SLC38A11: variants seen among roughly 807,000 people sequenced by gnomAD.
SLC38A11 encodes the protein solute carrier family 38 member 11.
SLC38A11 carries 51 observed loss-of-function variants against 49.4 expected under a neutral mutation model. The observed-to-expected ratio is 1.03, with a 90% confidence interval of 0.83 to 1.30. SLC38A11 has a LOEUF of 1.30. Ranked by LOEUF, SLC38A11 falls within the 50% of genes most tolerant of loss-of-function variation. SLC38A11 has a pLI of 0.00. For synonymous variants in SLC38A11, 203 were observed against 192.9 expected (o/e 1.05, Z -0.43); for missense variants, 574 against 556.2 (o/e 1.03, Z -0.32).
At chr2:164,900,086 C>G (rs146447611) in intron 11 of SLC38A11, among the ~76,000 whole-genome samples, 1 of 152,074 alleles carries the variant, frequency 6.6e-6, no homozygotes, top group Admixed American at 6.6e-5. Flanking sequence ...TTTCACTTAA[C>G]GTTCTTCAGG....
intron 7 of SLC38A11, among the ~76,000 whole-genome samples, chr2:164,932,167 A>G (rs1163770695): frequency 6.6e-6 from 1 of 152,240 alleles, no homozygotes; most frequent in African/African-American, 2.4e-5. Context: ...AAAGCTCAGC[A>G]TCAATGATCA....
At chr2:164,954,167 T>A (rs905000682) in intron 2 of SLC38A11, among the ~76,000 whole-genome samples, 1 of 152,206 alleles carries the variant, frequency 6.6e-6, no homozygotes, top group Non-Finnish European at 1.5e-5. Flanking sequence ...TGTATGAATT[T>A]AATTTTTCAT....
intron 2 of SLC38A11, chr2:164,952,999 C>T (rs1688626145): frequency 1.3e-5 from 6 of 465,266 alleles, no homozygotes; most frequent in African/African-American, 8.3e-5. Flanking sequence ...GTTAAGAGAG[C>T]AAGTTTCTGA....
At chr2:164,930,226 C>T (rs1237123118) in intron 7 of SLC38A11, among the ~76,000 whole-genome samples, 2 of 152,038 alleles carry the variant, frequency 1.3e-5, no homozygotes, top group Non-Finnish European at 2.9e-5. Context: ...CCTGAAGAGA[C>T]CAATAATGAG....
chr2:164,946,564 CAAA>C (rs34775521), intron 3 of SLC38A11, among the ~76,000 whole-genome samples: 11 of 106,572 alleles, frequency 1.0e-4, no homozygotes, highest in Non-Finnish European at 9.3e-5. Context: ...GACTCCCTCT[CAAA>C]AAAAAAAAAA....
intron 5 of SLC38A11, among the ~76,000 whole-genome samples, chr2:164,943,752 A>C (rs1687932999): frequency 1.3e-5 from 2 of 152,186 alleles, no homozygotes; most frequent in African/African-American, 4.8e-5. Flanking sequence ...AGTAGCTGGG[A>C]CTACAGGCAC....
intron 7 of SLC38A11, among the ~76,000 whole-genome samples, chr2:164,917,926 A>T (rs561082236): frequency 1.3e-5 from 2 of 152,244 alleles, no homozygotes; most frequent in African/African-American, 4.8e-5. Context: ...AATGATGATG[A>T]TTTTATAAGA....
rs972262038 is a variant in SLC38A11, at chr2:164,945,355, A to G, written c.364+238T>C. On this transcript the variant is annotated intron_variant, in intron 4 of 11. Coordinates refer to ENST00000685975, the MANE Select transcript of SLC38A11 (RefSeq NM_001351537.2). The stretch of plus-strand genomic sequence containing the variant: ...CATTCAATTTTTTACCAAGTACAGA[A>G]AGCCCAAACATTAACCTAGTGAAAA... Among the ~76,000 whole-genome samples the G allele has an allele frequency of 3.3e-5, 5 of 152,124 alleles. No individual in the cohort carries two copies. The South Asian group carries it at 8.3e-4, about 25-fold the overall frequency.
intron 7 of SLC38A11, among the ~76,000 whole-genome samples, chr2:164,926,161 T>C (rs1686567600): frequency 6.6e-6 from 1 of 152,190 alleles, no homozygotes; most frequent in Admixed American, 6.5e-5. Context: ...CCATCTGTCC[T>C]TGCCTCCACT....
intron 3 of SLC38A11, among the ~76,000 whole-genome samples, chr2:164,951,257 A>G (rs887724343): frequency 5.9e-5 from 9 of 152,082 alleles, no homozygotes; most frequent in African/African-American, 2.2e-4. Context: ...AATGTTTACA[A>G]TGCACTTAAA....
At chr2:164,935,265 C>G (rs1450785591) in intron 7 of SLC38A11, among the ~76,000 whole-genome samples, 1 of 151,182 alleles carries the variant, frequency 6.6e-6, no homozygotes, top group Non-Finnish European at 1.5e-5. Flanking sequence ...CCTCTCTCTG[C>G]TTTTTCTCTC....
At chr2:164,920,914 ATGTT>A (rs1423431357) in intron 7 of SLC38A11, among the ~76,000 whole-genome samples, 1 of 152,178 alleles carries the variant, frequency 6.6e-6, no homozygotes, top group Non-Finnish European at 1.5e-5. Context: ...TATAGATTAT[ATGTT>A]TGAGCATCTG....
At chr2:164,921,665 G>A (rs1443732753) in intron 7 of SLC38A11, among the ~76,000 whole-genome samples, 1 of 151,986 alleles carries the variant, frequency 6.6e-6, no homozygotes, top group African/African-American at 2.4e-5. Context: ...TAAACACGTT[G>A]AATAAATGCA....
intron 3 of SLC38A11, among the ~76,000 whole-genome samples, chr2:164,951,703 A>G (rs941875888): frequency 6.6e-6 from 1 of 152,116 alleles, no homozygotes; most frequent in Non-Finnish European, 1.5e-5. Context: ...CAGAGCTGAG[A>G]CAGACATTCT....
intron 7 of SLC38A11, among the ~76,000 whole-genome samples, chr2:164,921,362 A>G (rs11677770): frequency 0.26 from 39,574 of 152,104 alleles, 6,011 homozygotes; most frequent in South Asian, 0.46. Flanking sequence ...ACAGGGTCTC[A>G]CTGTAACCCC....
chr2:164,926,287 T>G (rs1686576814), intron 7 of SLC38A11, among the ~76,000 whole-genome samples: 1 of 152,198 alleles, frequency 6.6e-6, no homozygotes, highest in Non-Finnish European at 1.5e-5. Flanking sequence ...CATGTAAAGC[T>G]TTCCTTCATC....
Position 164,934,181 on chromosome 2 carries a change from G to A in SLC38A11, c.617+3169C>T, listed in dbSNP as rs568152900. Among the ~76,000 whole-genome samples the A allele has an allele frequency of 5.9e-5, 9 of 152,002 alleles. 1 individual carries two copies. Among genetic ancestry groups the A allele is most frequent in the South Asian group, 2.1e-4 (1 of 4,794 alleles). On this transcript the variant is annotated intron_variant, in intron 7 of 11. Coordinates refer to ENST00000685975, the MANE Select transcript of SLC38A11 (RefSeq NM_001351537.2). ...AGCTTTGTCTTCTTCACTAAACTGC[G>A]AGCCCCTTAAAAGCAGAGATATTTT...
At chr2:164,941,381 A>G (rs913993080) in intron 5 of SLC38A11, among the ~76,000 whole-genome samples, 1 of 152,160 alleles carries the variant, frequency 6.6e-6, no homozygotes, top group Non-Finnish European at 1.5e-5. Context: ...GATGTATTTC[A>G]GAATAAAAAT....
At chr2:164,947,925 G>GC (rs1167577876) in intron 3 of SLC38A11, among the ~76,000 whole-genome samples, 1 of 151,948 alleles carries the variant, frequency 6.6e-6, no homozygotes, top group African/African-American at 2.4e-5. Context: ...CACCAATCTG[G>GC]CCCCCAACAA....
Sources: gnomAD v4.1 joint callset for allele counts (sites outside exome capture counted in the v4.1 genomes callset) on GRCh38, gnomAD v4.1.1 for gene constraint, MANE v1.5 for transcripts, NCBI Gene and HGNC (gene_info 2026-07-23, HGNC 2026-07-21) for gene names.